The following KLF16 variants were observed in gnomAD, a reference collection of about 807,000 sequenced individuals.
The protein encoded by KLF16 is Krueppel-like factor 16.
In KLF16, 6 loss-of-function variants were observed where a neutral mutation model predicts 6.1. That is an observed-to-expected ratio of 0.98 (90% confidence interval 0.54 to 1.93). KLF16 has a LOEUF of 1.93. Among genes scored for constraint, KLF16 ranks in the 30% most tolerant of loss-of-function variants. The probability of loss-of-function intolerance (pLI) is 0.01; values close to 1 mark genes in which losing one functional copy is unlikely to be tolerated. For missense variants in KLF16, 355 were observed against 363.8 expected, an observed-to-expected ratio of 0.98 and a Z score of 0.20; for synonymous variants, 211 against 176.5, an observed-to-expected ratio of 1.20 and a Z score of -1.55.
At chr19:1,864,150 C>A (rs564061531), upstream of KLF16, among the ~76,000 whole-genome samples, 3 of 150,656 alleles carry the variant, frequency 2.0e-5, no homozygotes, top group African/African-American at 7.3e-5. Context: ...GAGCCCGCCC[C>A]CTCCCCGGAT....
At chr19:1,863,938 A>T (rs952846275), upstream of KLF16, among the ~76,000 whole-genome samples, 62 of 66,170 alleles carry the variant, frequency 9.4e-4, no homozygotes, top group African/African-American at 3.6e-3. Context: ...GGCGCGCCCC[A>T]CTCCAGCGCG....
At chr19:1,869,211 T>C in the KLF16 span, among the ~76,000 whole-genome samples, 1 of 152,190 alleles carries the variant, frequency 6.6e-6, no homozygotes, top group South Asian at 2.1e-4. Context: ...GCATGATGAC[T>C]CACGCCCGTA....
chr19:1,865,193 G>C (rs556586411), upstream of KLF16, among the ~76,000 whole-genome samples: 2 of 152,322 alleles, frequency 1.3e-5, no homozygotes, highest in Admixed American at 6.5e-5. Context: ...GCGAAGTGTG[G>C]GAGGGTACAG....
chr19:1,856,873 A>ACTTCC (rs1319755666), intron 1 of KLF16, among the ~76,000 whole-genome samples: 1 of 143,402 alleles, frequency 7.0e-6, no homozygotes, highest in Non-Finnish European at 1.5e-5. Context: ...CAGTTGGTTC[A>ACTTCC]CTTCCCCTTT....
rs1378501993 is a variant in KLF16, at chr19:1,854,312, C to T, written c.*147G>A. The T allele has an allele frequency of 9.7e-7, 1 of 1,033,458 alleles. No homozygotes were observed. The highest frequency in any genetic ancestry group is 1.3e-6 in the Non-Finnish European group (1 of 778,532). 64.0% of individuals were successfully genotyped at this position (1,033,458 alleles called of 1,614,324 possible). A position where few individuals can be genotyped will look rare whatever the true frequency, so the allele number is the denominator to read the frequency against. On this transcript the variant is annotated 3_prime_UTR_variant, in exon 2 of 2. Coordinates refer to ENST00000250916, the MANE Select transcript of KLF16 (RefSeq NM_031918.4). ...GGTCAGGCAGACCCAGGTCCAGTCT[C>T]AGGCCCCCTCCTCACTCTCTGGAGG...
At chr19:1,872,532 G>A in the KLF16 span, among the ~76,000 whole-genome samples, 1 of 152,176 alleles carries the variant, frequency 6.6e-6, no homozygotes, top group Non-Finnish European at 1.5e-5. Flanking sequence ...TGGGGAGGGC[G>A]GGTCCCAGAG....
upstream of KLF16, among the ~76,000 whole-genome samples, chr19:1,868,487 T>C (rs1438438965): frequency 1.3e-5 from 1 of 78,444 alleles, no homozygotes; most frequent in African/African-American, 3.5e-5. Context: ...TTTTTTTTTT[T>C]TTTTTTTTTT....
At position 1,863,023 on chromosome 19, in the gene KLF16, G is replaced by A. The variant is rs1221723898; in HGVS notation, c.457+18C>T. 3.1e-6 allele frequency: 4 copies of A among 1,302,554 alleles called. No individual in the cohort carries two copies. Among genetic ancestry groups the A allele is most frequent in the East Asian group, 7.5e-5 (2 of 26,746 alleles). The allele number at this position is 1,302,554 out of a possible 1,614,324, so 80.7% of individuals were successfully genotyped here. On this transcript the variant is annotated intron_variant, in intron 1 of 1. Coordinates refer to ENST00000250916, the MANE Select transcript of KLF16 (RefSeq NM_031918.4). ...AGGCGGCCGCCCCCGCAAGGGCCGGGATCGCGGCTGCACTCACCTGTGTGC... is the reference window on the plus strand; with the variant it reads ...AGGCGGCCGCCCCCGCAAGGGCCGGAATCGCGGCTGCACTCACCTGTGTGC...
At chr19:1,867,193 C>T (rs2012200996), upstream of KLF16, among the ~76,000 whole-genome samples, 1 of 152,190 alleles carries the variant, frequency 6.6e-6, no homozygotes, top group Admixed American at 6.5e-5. Flanking sequence ...AACACAGTCT[C>T]CCAGAGGACA....
Position 1,857,052 on chromosome 19 carries a change from G to GC in KLF16, c.458-2293dup, listed in dbSNP as rs1568732297. Among the ~76,000 whole-genome samples, 6 of 147,964 alleles carry GC rather than the reference G, an allele frequency of 4.1e-5. No individual in the cohort carries two copies. Among genetic ancestry groups the GC allele is most frequent in the African/African-American group, 1.5e-4 (6 of 39,328 alleles). On this transcript the variant is annotated intron_variant, in intron 1 of 1. Transcript: ENST00000250916. The surrounding 1 kb of genome is among the most constrained non-coding windows in gnomAD (Gnocchi z 4.7). ...GCGGGGACATCCGCAGCCCCAGCCGGCCCCGCTCACGTGGTCCCACTCCCG... is the reference window on the plus strand; with the variant it reads ...GCGGGGACATCCGCAGCCCCAGCCGGCCCCCGCTCACGTGGTCCCACTCCCG...
rs2011973599 is a variant in KLF16, at chr19:1,857,293, A to G, written c.458-2533T>C. ...CACTCGCAGGGAGGAGGGTGGGGTG[A>G]ACTTGTGGGGGCCCAGAGCGCGCTG... On this transcript the variant is annotated intron_variant, in intron 1 of 1. Coordinates refer to ENST00000250916, the MANE Select transcript of KLF16 (RefSeq NM_031918.4). This position sits in a 1 kb window ranked among gnomAD's most constrained non-coding sequence, Gnocchi z 4.7. Among the ~76,000 whole-genome samples, 1 of 152,128 alleles carries G rather than the reference A, an allele frequency of 6.6e-6. No individual in the cohort carries two copies. Among genetic ancestry groups the G allele is most frequent in the Non-Finnish European group, 1.5e-5 (1 of 67,994 alleles).
At chr19:1,863,842 C>A (rs1423855390), upstream of KLF16, among the ~76,000 whole-genome samples, 4 of 146,504 alleles carry the variant, frequency 2.7e-5, no homozygotes, top group African/African-American at 9.9e-5. Context: ...CGCGCCCACT[C>A]CGGCCTCCGC....
upstream of KLF16, among the ~76,000 whole-genome samples, chr19:1,868,461 C>CT (rs762308559): frequency 7.2e-3 from 794 of 110,002 alleles, 119 homozygotes; most frequent in Non-Finnish European, 1.0e-2. Flanking sequence ...CAGATTAGGG[C>CT]TTTTTTTTTT....
rs1266007355 is a variant in KLF16 at position 1,863,219 on chromosome 19, G to A, written c.279C>T (p.Ala93=). 1.8e-6 allele frequency: 2 copies of A among 1,122,162 alleles called. No individual in the cohort carries two copies. The highest frequency in any genetic ancestry group is 1.1e-6 in the Non-Finnish European group (1 of 913,594). 69.5% of individuals were successfully genotyped at this position (1,122,162 alleles called of 1,614,324 possible). Residue 93 remains alanine (A), a synonymous_variant, in exon 1 of 2, where the codon GCC becomes GCT. Coordinates refer to ENST00000250916, the MANE Select transcript of KLF16 (RefSeq NM_031918.4). ...AGGCGGGCGAGGCGCCCCCCGGGGC[G>A]GCTCCGGGTCCGCCGCGCAGGTCGG... ...ILADLRGGPG[A]APGGASPASS...
intron 1 of KLF16, 126 bp from the exon 2 acceptor site, chr19:1,854,886 G>A: frequency 2.0e-6 from 2 of 1,013,686 alleles, no homozygotes; most frequent in Non-Finnish European, 2.9e-6. Flanking sequence ...GAGCTCTGGT[G>A]TGAGTTCAAA....
chr19:1,872,978 C>CAA, the KLF16 span, among the ~76,000 whole-genome samples: 1 of 152,074 alleles, frequency 6.6e-6, no homozygotes, highest in Middle Eastern at 3.2e-3. Context: ...CACCCGGACT[C>CAA]AGAGGTGGAC....
chr19:1,857,091 G>C lies in KLF16; in HGVS notation c.458-2331C>G, dbSNP rs938170348. Reference sequence around the variant, plus strand: ...GTCCCACTCCCGCCGGGGCCAGGGGGCCCGGGCCAGGGTCGCCTCTCCGGC... The same window carrying C: ...GTCCCACTCCCGCCGGGGCCAGGGGCCCCGGGCCAGGGTCGCCTCTCCGGC... On this transcript the variant is annotated intron_variant, in intron 1 of 1. Transcript: ENST00000250916. This position sits in a 1 kb window ranked among gnomAD's most constrained non-coding sequence, Gnocchi z 4.7. 6.6e-6 allele frequency among the ~76,000 whole-genome samples: 1 copy of C among 151,870 alleles called. No homozygotes were observed. The highest frequency in any genetic ancestry group is 1.5e-5 in the Non-Finnish European group (1 of 67,930).
the KLF16 span, among the ~76,000 whole-genome samples, chr19:1,873,982 C>T: frequency 1.3e-5 from 2 of 152,254 alleles, no homozygotes; most frequent in East Asian, 1.9e-4. Flanking sequence ...AGGCCAGCAT[C>T]GCGCACCGTG....
chr19:1,853,281 A>G lies in KLF16; in HGVS notation c.*1178T>C, dbSNP rs1363561455. The G allele has an allele frequency of 6.6e-6, 1 of 152,230 alleles. No homozygotes were observed. The highest frequency in any genetic ancestry group is 2.4e-5 in the African/African-American group (1 of 41,408). 9.4% of individuals were successfully genotyped at this position (152,230 alleles called of 1,614,324 possible). A position where few individuals can be genotyped will look rare whatever the true frequency, so the allele number is the denominator to read the frequency against. The stretch of plus-strand genomic sequence containing the variant: ...AAAAAAGGAATCCGTGCCTGAAAAA[A>G]TATTCTACCCGGTGCAAAAAAAACG... On this transcript the variant is annotated 3_prime_UTR_variant, in exon 2 of 2. Coordinates refer to ENST00000250916, the MANE Select transcript of KLF16 (RefSeq NM_031918.4).
Sources: allele counts gnomAD v4.1 joint callset (sites outside exome capture counted in the v4.1 genomes callset), GRCh38; gene constraint gnomAD v4.1.1; non-coding constraint Gnocchi (gnomAD v3.1); transcripts MANE v1.5; gene names NCBI Gene and HGNC (gene_info 2026-07-23, HGNC 2026-07-21).